The following CIMIP2A variants were observed in gnomAD, a reference collection of about 807,000 sequenced individuals.
CIMIP2A encodes the protein family with sequence similarity 166 member A.
the CIMIP2A span, chr9:137,244,674 T>C: frequency 7.4e-6 from 12 of 1,613,868 alleles, no homozygotes; most frequent in Middle Eastern, 1.6e-4. Context: ...ATGGCTTGCA[T>C]GACGCCGTCT....
At chr9:137,244,571 A>C in the CIMIP2A span, 1 of 1,586,812 alleles carries the variant, frequency 6.3e-7, no homozygotes, top group Admixed American at 1.8e-5. Context: ...GGCACCCTCC[A>C]GGGAAGCTGC....
the CIMIP2A span, chr9:137,245,634 C>T: frequency 1.1e-5 from 18 of 1,609,736 alleles, no homozygotes; most frequent in Non-Finnish European, 1.4e-5. Context: ...GGACTGGCAG[C>T]TCACTGGTGT....
At chr9:137,255,022 T>TG in the CIMIP2A span, among the ~76,000 whole-genome samples, 1 of 152,126 alleles carries the variant, frequency 6.6e-6, no homozygotes, top group African/African-American at 2.4e-5. Context: ...CCGCTGCGCG[T>TG]GGCTGCCGCG....
the CIMIP2A span, chr9:137,243,874 G>A: frequency 2.1e-6 from 3 of 1,415,290 alleles, no homozygotes; most frequent in Non-Finnish European, 3.0e-6. Context: ...AGAAGTGTGG[G>A]GCTGCCCTGG....
chr9:137,252,379 G>A, the CIMIP2A span: 2 of 1,536,498 alleles, frequency 1.3e-6, no homozygotes, highest in Non-Finnish European at 1.8e-6. Context: ...AGGTTCGAGT[G>A]GGGACTGTCA....
At chr9:137,251,029 G>A in the CIMIP2A span, 1 of 491,580 alleles carries the variant, frequency 2.0e-6, no homozygotes, top group Non-Finnish European at 3.7e-6. Flanking sequence ...GGGTGCAGGA[G>A]AGGGGAGAAG....
At chr9:137,247,145 T>C in the CIMIP2A span, among the ~76,000 whole-genome samples, 1 of 151,922 alleles carries the variant, frequency 6.6e-6, no homozygotes, top group Non-Finnish European at 1.5e-5. Context: ...ATTAGCCAGG[T>C]GTGGTGGCAG....
the CIMIP2A span, chr9:137,253,062 G>A: frequency 6.5e-7 from 1 of 1,541,176 alleles, no homozygotes; most frequent in East Asian, 2.3e-5. Context: ...TGGGAGCCAG[G>A]TTTGAGTTGG....
At chr9:137,247,301 A>G in the CIMIP2A span, among the ~76,000 whole-genome samples, 1 of 152,228 alleles carries the variant, frequency 6.6e-6, no homozygotes, top group African/African-American at 2.4e-5. Context: ...ATAAATAAAT[A>G]AAATGAAATG....
At chr9:137,245,563 C>T in the CIMIP2A span, 2 of 1,613,718 alleles carry the variant, frequency 1.2e-6, no homozygotes, top group Non-Finnish European at 1.7e-6. Context: ...CAGACCTGTA[C>T]CAACAGGGCA....
chr9:137,249,743 A>G, the CIMIP2A span, among the ~76,000 whole-genome samples: 2 of 152,224 alleles, frequency 1.3e-5, no homozygotes, highest in Non-Finnish European at 2.9e-5. Flanking sequence ...GGCGGCAACT[A>G]GCGAGGACAT....
the CIMIP2A span, chr9:137,252,539 C>A: frequency 7.0e-7 from 1 of 1,434,424 alleles, no homozygotes; most frequent in South Asian, 1.5e-5. Context: ...GGGGGCTGGG[C>A]AGGAAGGGGG....
At chr9:137,249,625 C>G in the CIMIP2A span, among the ~76,000 whole-genome samples, 1 of 152,174 alleles carries the variant, frequency 6.6e-6, no homozygotes, top group Non-Finnish European at 1.5e-5. Context: ...GAGGTCCCAC[C>G]TAAGCCCTGG....
At chr9:137,244,528 C>G in the CIMIP2A span, 3 of 1,523,918 alleles carry the variant, frequency 2.0e-6, no homozygotes, top group Admixed American at 4.0e-5. Flanking sequence ...GCAGAGCCCC[C>G]TCCTCAGGCT....
chr9:137,252,090 T>C, the CIMIP2A span: 1 of 1,612,600 alleles, frequency 6.2e-7, no homozygotes, highest in East Asian at 2.2e-5. Flanking sequence ...ACGAGAGTCC[T>C]CCCCACACCC....
chr9:137,252,411 T>TCTCTCTCTCCATCCTC, the CIMIP2A span: 4 of 1,600,058 alleles, frequency 2.5e-6, no homozygotes, highest in Middle Eastern at 6.7e-4. Context: ...CTCCCAGCCT[T>TCTCTCTCTCCATCCTC]CTCTCTCTCC....
the CIMIP2A span, chr9:137,253,475 T>C: frequency 7.0e-7 from 1 of 1,432,474 alleles, no homozygotes; most frequent in Non-Finnish European, 9.1e-7. Context: ...ATGCTGTTGG[T>C]TTTCCCGAGC....
the CIMIP2A span, chr9:137,251,712 A>C: frequency 6.4e-7 from 1 of 1,552,696 alleles, no homozygotes; most frequent in Non-Finnish European, 8.7e-7. Context: ...GGGGGCTGAG[A>C]CAGTGGCTGC....
At chr9:137,244,216 A>G in the CIMIP2A span, 2 of 1,613,798 alleles carry the variant, frequency 1.2e-6, no homozygotes, top group African/African-American at 2.7e-5. Context: ...TGGCTGCTGT[A>G]GATGTGGTTG....
Sources: gnomAD v4.1 joint callset for allele counts (sites outside exome capture counted in the v4.1 genomes callset) on GRCh38, gnomAD v4.1.1 for gene constraint, MANE v1.5 for transcripts, NCBI Gene and HGNC (gene_info 2026-07-23, HGNC 2026-07-21) for gene names.